Variants in HDAC11 observed in about 807,000 individuals in gnomAD.
HDAC11 encodes histone deacetylase 11.
Under a neutral mutation model 41.1 loss-of-function variants are expected in HDAC11, and 23 were observed. That is an observed-to-expected ratio of 0.56 (90% CI 0.40 to 0.79). The LOEUF (loss-of-function observed/expected upper bound fraction) is 0.79, where lower values mean the gene tolerates loss of function less well. Among genes scored for constraint, HDAC11 ranks in the 30% least tolerant of loss-of-function variants. HDAC11 has a pLI of 0.00. For synonymous variants in HDAC11, 187 were observed against 186.6 expected, an observed-to-expected ratio of 1.00 and a Z score of -0.02; for missense variants, 402 against 477.3, an observed-to-expected ratio of 0.84 and a Z score of 1.47.
In HDAC11 at chr3:13,490,756, T is replaced by C. The variant is rs1277445842; in HGVS notation, c.253-5980T>C. ...TTAGCATTTTTTTCTTTTTTTTTTT[T>C]TTTTTTTTTTTTTTAGACAGAGTCT... is the stretch of plus-strand genomic sequence containing the variant. On this transcript the variant is annotated intron_variant, in intron 3 of 9. Coordinates refer to ENST00000295757, the MANE Select transcript of HDAC11 (RefSeq NM_024827.4). Among the ~76,000 whole-genome samples, 264 of 135,488 alleles carry C rather than the reference T, an allele frequency of 1.9e-3. 3 individuals are homozygous for C. Among genetic ancestry groups the C allele is most frequent in the Middle Eastern group, 3.7e-3 (1 of 270 alleles). The allele number at this position is 135,488 out of a possible 152,430, so 88.9% of individuals were successfully genotyped here.
intron 6 of HDAC11, 108 bp from the exon 7 acceptor site, chr3:13,501,762 CA>C (rs974885621): frequency 2.1e-6 from 2 of 953,508 alleles, no homozygotes; most frequent in Non-Finnish European, 3.4e-6. Context: ...TGATTACCCA[CA>C]AGCATTAGGC....
Position 13,480,306 on chromosome 3 carries a change from GGTC to G in HDAC11, c.-40_-38del. 1 of 1,234,158 alleles carries G rather than the reference GGTC, an allele frequency of 8.1e-7. No individual in the cohort carries two copies. 76.5% of individuals were successfully genotyped at this position (1,234,158 alleles called of 1,614,324 possible). A position where few individuals can be genotyped will look rare whatever the true frequency, so the allele number is the denominator to read the frequency against. ...ACCCGCGCCCCGCCCCGCCCCGCCC[GGTC>G]GCGGAGCTGCGGCCAGCTTTGGGAG... On this transcript the variant is annotated 5_prime_UTR_variant, in exon 1 of 10. Coordinates refer to ENST00000295757, the MANE Select transcript of HDAC11 (RefSeq NM_024827.4). This position sits in a 1 kb window ranked among gnomAD's most constrained non-coding sequence, Gnocchi z 4.6.
At chr3:13,500,596 CA>C (rs1488123232) in intron 5 of HDAC11, 116 bp from the exon 6 acceptor site, 1 of 831,228 alleles carries the variant, frequency 1.2e-6, no homozygotes, top group African/African-American at 1.7e-5. Flanking sequence ...GAGTCCGAGG[CA>C]CAGGTTCCTG....
At chr3:13,501,843 C>T in intron 6 of HDAC11, 28 bp from the exon 7 acceptor site, 1 of 1,610,918 alleles carries the variant, frequency 6.2e-7, no homozygotes, top group Non-Finnish European at 8.5e-7. Context: ...GCCCCAGATC[C>T]TCATGTCTAC....
At position 13,502,892 on chromosome 3, in the gene HDAC11, G is replaced by A. The variant is rs1324358824; in HGVS notation, c.561G>A (p.Gly187=). 1 of 1,613,232 alleles carries A rather than the reference G, an allele frequency of 6.2e-7. No homozygotes were observed. Among genetic ancestry groups the A allele is most frequent in the South Asian group, 1.1e-5 (1 of 91,072 alleles). ...CTGTGACCTCCCCACAGGGCAATGG[G>A]CATGAGCGAGACTTCATGGACGACA... The part of the protein sequence containing the change: ...IIDLDAHQGN[G]HERDFMDDKR... Residue 187 remains glycine, a synonymous_variant, in exon 8 of 10, where the codon GGG becomes GGA. Transcript: ENST00000295757. The surrounding 1 kb of genome is among the most constrained non-coding windows in gnomAD (Gnocchi z 4.1).
rs1471333364 is a variant in HDAC11 at position 13,502,344 on chromosome 3, A to G, written c.552+411A>G. ...CTTGGCTCGGGCACCTGGGGTCACC[A>G]TTTAAGAACTCGGCGCCTAGGGAGT... On this transcript the variant is annotated intron_variant, in intron 7 of 9. Coordinates refer to ENST00000295757, the MANE Select transcript of HDAC11 (RefSeq NM_024827.4). The surrounding 1 kb of genome is among the most constrained non-coding windows in gnomAD (Gnocchi z 4.1). 1 of 208,288 alleles carries G rather than the reference A, an allele frequency of 4.8e-6. No individual in the cohort carries two copies. The allele number at this position is 208,288 out of a possible 1,614,324, so 12.9% of individuals were successfully genotyped here.
At chr3:13,482,013 C>T (rs2124997659) in intron 2 of HDAC11, among the ~76,000 whole-genome samples, 1 of 152,278 alleles carries the variant, frequency 6.6e-6, no homozygotes, top group East Asian at 1.9e-4. Flanking sequence ...TAAAAGCCCA[C>T]CTGTAGACCG....
chr3:13,499,395 C>T (rs2125009893), intron 5 of HDAC11, among the ~76,000 whole-genome samples: 1 of 152,250 alleles, frequency 6.6e-6, no homozygotes, highest in Non-Finnish European at 1.5e-5. Flanking sequence ...GTCTTGAACT[C>T]CCGACCTCAG....
chr3:13,494,687 C>G (rs998738751), intron 3 of HDAC11, among the ~76,000 whole-genome samples: 1 of 152,146 alleles, frequency 6.6e-6, no homozygotes, highest in Admixed American at 6.5e-5. Context: ...ACTGCCTTCT[C>G]TACCAGAGTG....
rs1464646808 is a variant in HDAC11 at position 13,506,089 on chromosome 3, GCCT to G, written c.*1410_*1412del. 6.6e-6 allele frequency: 1 copy of G among 152,210 alleles called. No individual in the cohort carries two copies. The highest frequency in any genetic ancestry group is 1.5e-5 in the Non-Finnish European group (1 of 68,076). The allele number at this position is 152,210 out of a possible 1,614,324, so 9.4% of individuals were successfully genotyped here. A position where few individuals can be genotyped will look rare whatever the true frequency, so the allele number is the denominator to read the frequency against. Reference sequence around the variant, plus strand: ...AGATCACAAAATGTCAACAATGCTGGCCTCCTGGACCAGACCCCGAGGCTCTAA... The same window carrying G: ...AGATCACAAAATGTCAACAATGCTGGCCTGGACCAGACCCCGAGGCTCTAA... On this transcript the variant is annotated 3_prime_UTR_variant, in exon 10 of 10. Transcript: ENST00000295757.
At position 13,504,661 on chromosome 3, in the gene HDAC11, T is replaced by C. The variant is rs1380802881; in HGVS notation, c.1022T>C (p.Leu341Pro). The change falls in exon 10 of 10, where the codon CTG (leucine) becomes CCG (proline). Residue 341 changes from leucine (L) to proline (P), a missense_variant. Leu to Pro is a moderately conservative substitution (Grantham distance 98). Transcript: ENST00000295757. Reference protein sequence around the residue: ...SVSAQNSDTPLLPPAVP With the variant: ...SVSAQNSDTPPLPPAVP ...TCCGCACAGAACTCAGACACACCGC[T>C]GCTTCCCCCTGCAGTGCCCTGACCC... The C allele has an allele frequency of 1.2e-6, 2 of 1,613,626 alleles. No individual in the cohort carries two copies. Among genetic ancestry groups the C allele is most frequent in the East Asian group, 2.2e-5 (1 of 44,890 alleles).
chr3:13,492,510 C>A (rs1166120743), intron 3 of HDAC11, among the ~76,000 whole-genome samples: 1 of 152,140 alleles, frequency 6.6e-6, no homozygotes, highest in African/African-American at 2.4e-5. Context: ...AAGATGAAGC[C>A]AAGGTGTGGG....
intron 3 of HDAC11, among the ~76,000 whole-genome samples, chr3:13,489,011 A>C (rs1476594691): frequency 6.6e-6 from 1 of 152,162 alleles, no homozygotes. Flanking sequence ...TGGCTAATTA[A>C]CACTGAGGAT....
chr3:13,500,598 C>A, intron 5 of HDAC11, 115 bp from the exon 6 acceptor site: 1 of 844,320 alleles, frequency 1.2e-6, no homozygotes, highest in South Asian at 1.5e-5. Context: ...GTCCGAGGCA[C>A]AGGTTCCTGA....
chr3:13,486,224 G>T (rs1168965766), intron 3 of HDAC11, among the ~76,000 whole-genome samples: 1 of 135,066 alleles, frequency 7.4e-6, no homozygotes, highest in Non-Finnish European at 1.5e-5. Flanking sequence ...CCGAGATTGC[G>T]CCATTGCACT....
At position 13,496,857 on chromosome 3, in the gene HDAC11, G is replaced by A; in HGVS notation, c.369+5G>A. Reference sequence around the variant, plus strand: ...CAGACAGGAGGAACCATAATGGTAGGTGGGGTGGGGGGGCATGGCTGGGCT... The same window carrying A: ...CAGACAGGAGGAACCATAATGGTAGATGGGGTGGGGGGGCATGGCTGGGCT... On this transcript the variant is annotated splice_donor_5th_base_variant and intron_variant, in intron 4 of 9. Transcript: ENST00000295757. 1.3e-6 allele frequency: 2 copies of A among 1,497,918 alleles called. No homozygotes were observed. Among genetic ancestry groups the A allele is most frequent in the Non-Finnish European group, 1.8e-6 (2 of 1,093,336 alleles). 92.8% of individuals were successfully genotyped at this position (1,497,918 alleles called of 1,614,324 possible).
intron 3 of HDAC11, among the ~76,000 whole-genome samples, chr3:13,493,828 C>T (rs1041750769): frequency 1.3e-5 from 2 of 152,224 alleles, no homozygotes; most frequent in Non-Finnish European, 2.9e-5. Context: ...GGTGGCTGCA[C>T]CTGGCCCCTG....
chr3:13,492,367 C>T (rs1701905552), intron 3 of HDAC11, among the ~76,000 whole-genome samples: 1 of 152,200 alleles, frequency 6.6e-6, no homozygotes, highest in Admixed American at 6.5e-5. Flanking sequence ...TACTGTGTGC[C>T]AGGCATGGCC....
chr3:13,485,744 C>CA (rs1285007775), intron 3 of HDAC11, among the ~76,000 whole-genome samples: 5 of 152,092 alleles, frequency 3.3e-5, no homozygotes, highest in African/African-American at 1.2e-4. Flanking sequence ...ATGATTGCAC[C>CA]ACTGCACTCC....
Sources: allele counts gnomAD v4.1 joint callset (sites outside exome capture counted in the v4.1 genomes callset), GRCh38; gene constraint gnomAD v4.1.1; non-coding constraint Gnocchi (gnomAD v3.1); transcripts MANE v1.5; gene names NCBI Gene and HGNC (gene_info 2026-07-23, HGNC 2026-07-21).